Variants in EYS observed in about 807,000 individuals in gnomAD.
The protein encoded by EYS is protein eyes shut homolog.
A neutral mutation model predicts 282.1 loss-of-function variants in EYS; 250 were observed. That is an observed-to-expected ratio of 0.89 (90% CI 0.80 to 0.98). EYS has a LOEUF of 0.98. EYS is among the 50% of genes least tolerant of loss of function. The probability of loss-of-function intolerance (pLI) is 0.00; values close to 1 mark genes in which losing one functional copy is unlikely to be tolerated. For synonymous variants in EYS, 1,355 were observed against 1,282.9 expected (o/e 1.06, Z -1.20); for missense variants, 4,016 against 3,709.0 (o/e 1.08, Z -2.15).
chr6:65,400,822 A>AT (rs893027381), intron 7 of EYS, among the ~76,000 whole-genome samples: 76 of 151,658 alleles, frequency 5.0e-4, no homozygotes, highest in African/African-American at 1.6e-3. Flanking sequence ...ACCTTGACAC[A>AT]TTTTTTTTCT....
At chr6:64,729,084 G>C (rs538221246) in intron 22 of EYS, 5 of 152,652 alleles carry the variant, frequency 3.3e-5, no homozygotes, top group African/African-American at 1.2e-4. Flanking sequence ...GCACAGGATT[G>C]GGGGAAGAGT....
chr6:65,335,151 A>G lies in EYS; in HGVS notation c.1600-5T>C, dbSNP rs1425201793. 1 of 1,592,750 alleles carries G rather than the reference A, an allele frequency of 6.3e-7. No homozygotes were observed. The highest frequency in any genetic ancestry group is 1.3e-5 in the African/African-American group (1 of 74,488). On this transcript the variant is annotated splice_polypyrimidine_tract_variant and splice_region_variant and intron_variant, in intron 10 of 42. Coordinates refer to ENST00000503581, the MANE Select transcript of EYS (RefSeq NM_001142800.2). Reference sequence around the variant, plus strand: ...ACTGCATCCATTTGCACAAATCTATAGCAACGAAAGAAGTAAAAATGTTAT... The same window carrying G: ...ACTGCATCCATTTGCACAAATCTATGGCAACGAAAGAAGTAAAAATGTTAT...
At chr6:64,303,970 A>G (rs1769338925) in intron 30 of EYS, among the ~76,000 whole-genome samples, 1 of 151,972 alleles carries the variant, frequency 6.6e-6, no homozygotes, top group Admixed American at 6.6e-5. Context: ...TAGCTTGTTT[A>G]CCCATGTGGT....
intron 30 of EYS, among the ~76,000 whole-genome samples, chr6:64,241,658 TG>T (rs1383689801): frequency 8.8e-6 from 1 of 113,334 alleles, no homozygotes; most frequent in African/African-American, 4.1e-5. Flanking sequence ...TGAAGGTTTT[TG>T]TGTGTGTGTG....
chr6:64,953,338 A>G (rs1041031831), intron 14 of EYS, among the ~76,000 whole-genome samples: 1 of 151,786 alleles, frequency 6.6e-6, no homozygotes, highest in African/African-American at 2.4e-5. Context: ...GTAACTCTTG[A>G]AAGAAGGACA....
At chr6:64,098,634 T>C (rs534135559) in intron 31 of EYS, among the ~76,000 whole-genome samples, 5 of 150,956 alleles carry the variant, frequency 3.3e-5, no homozygotes, top group African/African-American at 1.2e-4. Flanking sequence ...GGAGTCTTGC[T>C]CTGTCGCCCA....
chr6:65,599,305 T>A (rs1271325834), intron 2 of EYS, among the ~76,000 whole-genome samples: 2 of 152,130 alleles, frequency 1.3e-5, no homozygotes, highest in African/African-American at 4.8e-5. Context: ...TCTTCTGGAC[T>A]CTCCATTTGG....
intron 19 of EYS, among the ~76,000 whole-genome samples, chr6:64,825,742 T>C (rs1040756284): frequency 6.6e-6 from 1 of 151,848 alleles, no homozygotes; most frequent in Non-Finnish European, 1.5e-5. Flanking sequence ...GACATGTTCA[T>C]GTGTGAAAAA....
intron 15 of EYS, among the ~76,000 whole-genome samples, chr6:64,932,628 C>G (rs1037306836): frequency 1.3e-5 from 2 of 151,926 alleles, no homozygotes; most frequent in Admixed American, 6.6e-5. Flanking sequence ...GCCCTAATCT[C>G]TGATCTCTGA....
chr6:64,216,621 C>T (rs1765936743), intron 31 of EYS, among the ~76,000 whole-genome samples: 1 of 152,154 alleles, frequency 6.6e-6, no homozygotes. Flanking sequence ...ATAACAATCC[C>T]CGTCTTGGAT....
rs1704195448 is a variant in EYS, at chr6:64,593,195, C to T, written c.3799G>A (p.Glu1267Lys). 47 of 1,549,884 alleles carry T rather than the reference C, an allele frequency of 3.0e-5. No homozygotes were observed. The highest frequency in any genetic ancestry group is 3.8e-5 in the Non-Finnish European group (43 of 1,146,156). Residue 1267 changes from glutamate (E) to lysine (K), a missense_variant, in exon 25 of 43, where the codon GAG (glutamate) becomes AAG (lysine). Glu to Lys is a moderately conservative substitution (Grantham distance 56). Coordinates refer to ENST00000503581, the MANE Select transcript of EYS (RefSeq NM_001142800.2). ...GATGGAAAGCTGCTGACCAAAGTCT[C>T]AGAAGGGGGAATTGTATATGTCTGT... Reference protein sequence around the residue: ...STQTYTIPPSETLVSSFPSIK... With the variant: ...STQTYTIPPSKTLVSSFPSIK...
intron 19 of EYS, among the ~76,000 whole-genome samples, chr6:64,858,448 G>T (rs1033429677): frequency 2.0e-5 from 3 of 151,828 alleles, no homozygotes; most frequent in African/African-American, 4.8e-5. Flanking sequence ...CTGTTCCATT[G>T]GTTGATGTGT....
chr6:65,474,439 C>T (rs1469823343), intron 5 of EYS, among the ~76,000 whole-genome samples: 2 of 152,062 alleles, frequency 1.3e-5, no homozygotes, highest in African/African-American at 2.4e-5. Flanking sequence ...CTATAAAATC[C>T]TCAGCAAATA....
At chr6:65,397,583 GGTGTGTGTGTGTGTGTGTGTGTGTGTGT>G (rs58522364) in intron 7 of EYS, among the ~76,000 whole-genome samples, 1 of 138,194 alleles carries the variant, frequency 7.2e-6, no homozygotes, top group Non-Finnish European at 1.6e-5. Context: ...TGTATTTCAT[GGTGTGTGTGTGTGTGTGTGTGTGTGTGT>G]GTGTGTGTGT....
chr6:65,644,034 T>A (rs1028725085), intron 1 of EYS, among the ~76,000 whole-genome samples: 1 of 152,036 alleles, frequency 6.6e-6, no homozygotes, highest in African/African-American at 2.4e-5. Context: ...CCTTAAAAGA[T>A]CATACCAGCT....
At chr6:64,496,726 A>T (rs964462301) in intron 26 of EYS, among the ~76,000 whole-genome samples, 1 of 151,994 alleles carries the variant, frequency 6.6e-6, no homozygotes, top group Non-Finnish European at 1.5e-5. Flanking sequence ...AAATGTTATA[A>T]TTATAAGCTT....
Position 65,268,968 on chromosome 6 carries a change from T to C in EYS, c.2023+26895A>G, listed in dbSNP as rs976426445. 2.0e-5 allele frequency among the ~76,000 whole-genome samples: 3 copies of C among 152,112 alleles called. No homozygotes were observed. In the East Asian group the frequency reaches 5.8e-4, roughly 29 times the overall value. ...CTTTTCAAAATTTATAATTGATACC[T>C]TAATTTCTCATATTACAAATATTTA... On this transcript the variant is annotated intron_variant, in intron 12 of 42. Transcript: ENST00000503581.
intron 21 of EYS, among the ~76,000 whole-genome samples, chr6:64,816,470 C>A (rs1046396436): frequency 2.0e-5 from 3 of 151,992 alleles, no homozygotes; most frequent in Non-Finnish European, 4.4e-5. Context: ...GGAAATGCAA[C>A]TTCTCTTACC....
chr6:63,848,468 C>G (rs1772156796), intron 36 of EYS, among the ~76,000 whole-genome samples: 1 of 151,858 alleles, frequency 6.6e-6, no homozygotes, highest in South Asian at 2.1e-4. Context: ...TATTTCTGCA[C>G]TTCCAACTGA....
Sources: allele counts gnomAD v4.1 joint callset (sites outside exome capture counted in the v4.1 genomes callset), GRCh38; gene constraint gnomAD v4.1.1; transcripts MANE v1.5; gene names NCBI Gene and HGNC (gene_info 2026-07-23, HGNC 2026-07-21).